OR2C3: variants seen among roughly 807,000 people sequenced by gnomAD.
OR2C3 encodes the protein olfactory receptor family 2 subfamily C member 3.
For synonymous variants in OR2C3, 178 were observed against 163.4 expected (o/e 1.09, Z -0.68); for missense variants, 425 against 401.5 (o/e 1.06, Z -0.50).
At position 247,531,752 on chromosome 1, in the gene OR2C3, C is replaced by G. The variant is rs202039549; in HGVS notation, c.760G>C (p.Gly254Arg). The change falls in exon 3 of 3, where the codon GGG (glycine) becomes CGG (arginine). Residue 254 changes from glycine (G) to arginine (R), a missense_variant. Physicochemically the swap from Gly to Arg is moderately radical, Grantham distance 125. Coordinates refer to ENST00000641802, the MANE Select transcript of OR2C3 (RefSeq NM_198074.6). ...TGGAGATACATGAAGATGATGCTCCCGTAAAACAGAGACACCACAGCCACG... is the reference window on the plus strand; with the variant it reads ...TGGAGATACATGAAGATGATGCTCCGGTAAAACAGAGACACCACAGCCACG... ...SHVAVVSLFY[G>R]SIIFMYLQPA... 1.9e-6 allele frequency: 3 copies of G among 1,613,988 alleles called. No homozygotes were observed. The highest frequency in any genetic ancestry group is 2.2e-5 in the East Asian group (1 of 44,892).
Position 247,533,818 on chromosome 1 carries a change from G to T in OR2C3, c.-341C>A, listed in dbSNP as rs973700858. The T allele has an allele frequency of 7.9e-5, 12 of 152,200 alleles. No individual in the cohort carries two copies. The highest frequency in any genetic ancestry group is 1.6e-4 in the Non-Finnish European group (11 of 68,046). 9.4% of individuals were successfully genotyped at this position (152,200 alleles called of 1,614,324 possible). ...TGTATGTCTTTTCTCCTATGAATCT[G>T]CCATTTGTCAGTTGATTTCTGTGAA... On this transcript the variant is annotated 5_prime_UTR_variant, in exon 2 of 3. Coordinates refer to ENST00000641802, the MANE Select transcript of OR2C3 (RefSeq NM_198074.6).
chr1:247,532,162 G>T lies in OR2C3; in HGVS notation c.350C>A (p.Ala117Asp), dbSNP rs1246511094. 6.2e-7 allele frequency: 1 copy of T among 1,614,058 alleles called. No individual in the cohort carries two copies. Among genetic ancestry groups the T allele is most frequent in the African/African-American group, 1.3e-5 (1 of 75,000 alleles). The change falls in exon 3 of 3, where the codon GCC (alanine) becomes GAC (aspartate). Residue 117 changes from alanine (A) to aspartate (D), a missense_variant. Physicochemically the swap from Ala to Asp is moderately radical, Grantham distance 126. Transcript: ENST00000641802. ...AGCGTAGCGGTCATAGGACATGGTG[G>T]CCAGCAGGACACACTCGGTTGCCCC... is the stretch of plus-strand genomic sequence containing the variant. Reference protein sequence around the residue: ...WLGATECVLLATMSYDRYAAI... With the variant: ...WLGATECVLLDTMSYDRYAAI...
rs973441653 is a variant in OR2C3, at chr1:247,525,127, C to T, written c.*6422G>A. 1.2e-4 allele frequency: 19 copies of T among 152,210 alleles called. No homozygotes were observed. Among genetic ancestry groups the T allele is most frequent in the African/African-American group, 4.6e-4 (19 of 41,450 alleles). The allele number at this position is 152,210 out of a possible 1,614,324, so 9.4% of individuals were successfully genotyped here. Reference sequence around the variant, plus strand: ...TTTAAATATGTCCACATAATGTCAACATGTTCTATAAGGAAAAACAAACTA... The same window carrying T: ...TTTAAATATGTCCACATAATGTCAATATGTTCTATAAGGAAAAACAAACTA... On this transcript the variant is annotated 3_prime_UTR_variant, in exon 3 of 3. Coordinates refer to ENST00000641802, the MANE Select transcript of OR2C3 (RefSeq NM_198074.6).
intron 1 of OR2C3, among the ~76,000 whole-genome samples, chr1:247,535,050 G>A (rs2103011964): frequency 6.6e-6 from 1 of 152,272 alleles, no homozygotes; most frequent in East Asian, 1.9e-4. Context: ...GGTGGCTCAT[G>A]CCTGTATTCC....
At position 247,531,397 on chromosome 1, in the gene OR2C3, C is replaced by G; in HGVS notation, c.*152G>C. 1.4e-6 allele frequency: 1 copy of G among 720,502 alleles called. No homozygotes were observed. 44.6% of individuals were successfully genotyped at this position (720,502 alleles called of 1,614,324 possible). A position where few individuals can be genotyped will look rare whatever the true frequency, so the allele number is the denominator to read the frequency against. On this transcript the variant is annotated 3_prime_UTR_variant, in exon 3 of 3. Transcript: ENST00000641802. ...CAAATAATAAATGTATTTTCTTGGT[C>G]TGGAAATGGCATGAGCACACTCCTT...
At chr1:247,535,564 A>G (rs1272252276) in intron 1 of OR2C3, among the ~76,000 whole-genome samples, 2 of 152,222 alleles carry the variant, frequency 1.3e-5, no homozygotes, top group African/African-American at 4.8e-5. Flanking sequence ...TGGAAAGATA[A>G]AAATTTTGTT....
Position 247,530,168 on chromosome 1 carries a change from A to G in OR2C3, c.*1381T>C, listed in dbSNP as rs1232443394. On this transcript the variant is annotated 3_prime_UTR_variant, in exon 3 of 3. Transcript: ENST00000641802. ...AGACTACTTTAATGACTACTTTCATATTATATACATATATATAATAAAATC... is the reference window on the plus strand; with the variant it reads ...AGACTACTTTAATGACTACTTTCATGTTATATACATATATATAATAAAATC... 6.6e-6 allele frequency: 1 copy of G among 152,168 alleles called. No individual in the cohort carries two copies. Among genetic ancestry groups the G allele is most frequent in the Admixed American group, 6.5e-5 (1 of 15,278 alleles). 9.4% of individuals were successfully genotyped at this position (152,168 alleles called of 1,614,324 possible).
rs1157074716 is a variant in OR2C3, at chr1:247,525,595, C to T, written c.*5954G>A. ...GGAAAGGCTGTGGAGCTTGCATGCT[C>T]TCTCCAGGTTCACCACCTTCCAGGA... is the stretch of plus-strand genomic sequence containing the variant. On this transcript the variant is annotated 3_prime_UTR_variant, in exon 3 of 3. Coordinates refer to ENST00000641802, the MANE Select transcript of OR2C3 (RefSeq NM_198074.6). 6.6e-6 allele frequency: 1 copy of T among 152,258 alleles called. No individual in the cohort carries two copies. Among genetic ancestry groups the T allele is most frequent in the Non-Finnish European group, 1.5e-5 (1 of 68,074 alleles). 9.4% of individuals were successfully genotyped at this position (152,258 alleles called of 1,614,324 possible).
rs958954865 is a variant in OR2C3 at position 247,530,524 on chromosome 1, C to G, written c.*1025G>C. 2.0e-4 allele frequency: 28 copies of G among 141,650 alleles called. No homozygotes were observed. The highest frequency in any genetic ancestry group is 6.8e-4 in the African/African-American group (27 of 39,842). The allele number at this position is 141,650 out of a possible 1,614,324, so 8.8% of individuals were successfully genotyped here. A position where few individuals can be genotyped will look rare whatever the true frequency, so the allele number is the denominator to read the frequency against. On this transcript the variant is annotated 3_prime_UTR_variant, in exon 3 of 3. Coordinates refer to ENST00000641802, the MANE Select transcript of OR2C3 (RefSeq NM_198074.6). ...TCCACAAACACCATGCCATCCCCCCCCCACAAAATAACATTTCCTATGAAT... is the reference window on the plus strand; with the variant it reads ...TCCACAAACACCATGCCATCCCCCCGCCACAAAATAACATTTCCTATGAAT...
In OR2C3 at chr1:247,526,679, G is replaced by A. The variant is rs1666694920; in HGVS notation, c.*4870C>T. 5.9e-6 allele frequency: 2 copies of A among 338,590 alleles called. No homozygotes were observed. Among genetic ancestry groups the A allele is most frequent in the Admixed American group, 8.4e-5 (2 of 23,858 alleles). The allele number at this position is 338,590 out of a possible 1,614,324, so 21.0% of individuals were successfully genotyped here. A position where few individuals can be genotyped will look rare whatever the true frequency, so the allele number is the denominator to read the frequency against. On this transcript the variant is annotated 3_prime_UTR_variant, in exon 3 of 3. Coordinates refer to ENST00000641802, the MANE Select transcript of OR2C3 (RefSeq NM_198074.6). This position sits in a 1 kb window ranked among gnomAD's most constrained non-coding sequence, Gnocchi z 4.8. ...AGGAAACCCATACATGAAGTAGAGG[G>A]TTCACAGAGCAGGTTTGGGATGATC...
In OR2C3 at chr1:247,531,862, A is replaced by G; in HGVS notation, c.650T>C (p.Val217Ala). Reference sequence around the variant, plus strand: ...GGCCCGGGCAATGTGGCCGTAAGAGACCAGGATGAGCCCCAGAGGCAGGAC... The same window carrying G: ...GGCCCGGGCAATGTGGCCGTAAGAGGCCAGGATGAGCCCCAGAGGCAGGAC... ...FVVLPLGLIL[V>A]SYGHIARAVL... is the part of the protein sequence containing the mutation. Residue 217 changes from valine to alanine, a missense_variant, in exon 3 of 3, where the codon GTC (valine) becomes GCC (alanine). Transcript: ENST00000641802. The G allele has an allele frequency of 6.2e-7, 1 of 1,614,154 alleles. No homozygotes were observed. The highest frequency in any genetic ancestry group is 8.5e-7 in the Non-Finnish European group (1 of 1,180,020).
At chr1:247,532,741 G>T in intron 2 of OR2C3, 1 of 549,550 alleles carries the variant, frequency 1.8e-6, no homozygotes, top group South Asian at 2.2e-5. Flanking sequence ...GAGAATACAG[G>T]CACGTACTAC....
chr1:247,534,380 A>G (rs763090050), intron 1 of OR2C3, among the ~76,000 whole-genome samples: 1 of 152,138 alleles, frequency 6.6e-6, no homozygotes, highest in Non-Finnish European at 1.5e-5. Context: ...GCAGGACTAG[A>G]GTAATATGAA....
At position 247,534,188 on chromosome 1, in the gene OR2C3, T is replaced by C. The variant is rs1310099306; in HGVS notation, c.-401-310A>G. Among the ~76,000 whole-genome samples the C allele has an allele frequency of 2.6e-5, 4 of 152,350 alleles. No individual in the cohort carries two copies. The East Asian group carries it at 7.7e-4, about 29-fold the overall frequency. ...AACAAATAAACTACTCTTATTTCTT[T>C]TGTTTGCTACCCGTCTCGCTCCACT... On this transcript the variant is annotated intron_variant, in intron 1 of 2. Coordinates refer to ENST00000641802, the MANE Select transcript of OR2C3 (RefSeq NM_198074.6).
At chr1:247,532,604 A>G in intron 2 of OR2C3, 64 bp from the exon 3 acceptor site, 2 of 1,181,236 alleles carry the variant, frequency 1.7e-6, no homozygotes, top group East Asian at 4.7e-5. Context: ...GTTAGCAAAC[A>G]TTAAAAGTGT....
Position 247,531,790 on chromosome 1 carries a change from G to A in OR2C3, c.722C>T (p.Thr241Ile). The A allele has an allele frequency of 1.2e-6, 2 of 1,614,172 alleles. No homozygotes were observed. Among genetic ancestry groups the A allele is most frequent in the Middle Eastern group, 1.6e-4 (1 of 6,062 alleles). The change falls in exon 3 of 3, where the codon ACC (threonine) becomes ATC (isoleucine). Residue 241 changes from threonine to isoleucine, a missense_variant. Transcript: ENST00000641802. ...SAEGRRKAFN[T>I]CSSHVAVVSL... Reference sequence around the variant, plus strand: ...CACCACAGCCACGTGGGAAGAACAGGTGTTGAATGCCTTTCTCCGCCCTTC... The same window carrying A: ...CACCACAGCCACGTGGGAAGAACAGATGTTGAATGCCTTTCTCCGCCCTTC...
Position 247,530,258 on chromosome 1 carries a change from G to A in OR2C3, c.*1291C>T, listed in dbSNP as rs1558240529. On this transcript the variant is annotated 3_prime_UTR_variant, in exon 3 of 3. Transcript: ENST00000641802. ...CTTTGAATCATCAGGCAGAGAATGA[G>A]GTTACTCTATTGATAGAGGTGAACT... 1 of 152,228 alleles carries A rather than the reference G, an allele frequency of 6.6e-6. No individual in the cohort carries two copies. Among genetic ancestry groups the A allele is most frequent in the African/African-American group, 2.4e-5 (1 of 41,530 alleles). The allele number at this position is 152,228 out of a possible 1,614,324, so 9.4% of individuals were successfully genotyped here. A position where few individuals can be genotyped will look rare whatever the true frequency, so the allele number is the denominator to read the frequency against.
In OR2C3 at chr1:247,531,550, T is replaced by C. The variant is rs766835788; in HGVS notation, c.962A>G (p.Ter321TrpextTer31). Residue 321 changes from the stop codon to tryptophan (W), a stop_lost, in exon 3 of 3, where the codon TAG becomes TGG. Transcript: ENST00000641802. ...CGSAGKLAQI[*>W] ...CCTTCTCAGAAGGCACTGGAGTCTCTAAATTTGCGCCAGCTTGCCTGCAGA... is the reference window on the plus strand; with the variant it reads ...CCTTCTCAGAAGGCACTGGAGTCTCCAAATTTGCGCCAGCTTGCCTGCAGA... The C allele has an allele frequency of 2.9e-5, 47 of 1,612,858 alleles. No individual in the cohort carries two copies. The highest frequency in any genetic ancestry group is 4.0e-5 in the Non-Finnish European group (47 of 1,179,260).
In OR2C3 at chr1:247,529,283, G is replaced by T. The variant is rs947900192; in HGVS notation, c.*2266C>A. ...TCCCCTGCAATATCACCTGTAACCAGGAAACATATTTCACAGCAAAAGGGG... is the reference window on the plus strand; with the variant it reads ...TCCCCTGCAATATCACCTGTAACCATGAAACATATTTCACAGCAAAAGGGG... On this transcript the variant is annotated 3_prime_UTR_variant, in exon 3 of 3. Transcript: ENST00000641802. 6.6e-6 allele frequency: 1 copy of T among 152,154 alleles called. No individual in the cohort carries two copies. Among genetic ancestry groups the T allele is most frequent in the African/African-American group, 2.4e-5 (1 of 41,424 alleles). The allele number at this position is 152,154 out of a possible 1,614,324, so 9.4% of individuals were successfully genotyped here.
Sources: allele counts gnomAD v4.1 joint callset (sites outside exome capture counted in the v4.1 genomes callset), GRCh38; gene constraint gnomAD v4.1.1; non-coding constraint Gnocchi (gnomAD v3.1); transcripts MANE v1.5; gene names NCBI Gene and HGNC (gene_info 2026-07-23, HGNC 2026-07-21).